KRT3: variants seen among roughly 807,000 people sequenced by gnomAD.
KRT3 encodes the protein keratin, type II cytoskeletal 3.
Under a neutral mutation model 45.8 loss-of-function variants are expected in KRT3, and 34 were observed. That is an observed-to-expected ratio of 0.74 (90% CI 0.57 to 0.99). The LOEUF is 0.99. Ranked by LOEUF, KRT3 falls within the 50% of genes least tolerant of loss-of-function variation. The pLI, the probability that KRT3 is intolerant of heterozygous loss-of-function variation, is 0.00. For synonymous variants in KRT3, 367 were observed against 329.0 expected, an observed-to-expected ratio of 1.12 and a Z score of -1.25; for missense variants, 828 against 820.6, an observed-to-expected ratio of 1.01 and a Z score of -0.11.
chr12:52,793,134 G>A, intron 3 of KRT3, 29 bp downstream of exon 3: 3 of 1,589,580 alleles, frequency 1.9e-6, no homozygotes, highest in Non-Finnish European at 2.6e-6. Context: ...GCAGCTGCAA[G>A]CCTCAGAAAC....
rs372506087 is a variant in KRT3, at chr12:52,795,447, C to T, written c.596G>A (p.Arg199Gln). The change falls in exon 1 of 9, where the codon CGG (arginine) becomes CAG (glutamine). Residue 199 changes from arginine to glutamine, a missense_variant. Coordinates refer to ENST00000417996, the MANE Select transcript of KRT3 (RefSeq NM_057088.3). The part of the protein sequence containing the change: ...PQIGQVKAQE[R>Q]EQIKTLNNKF... ...GTTGTTGAGGGTCTTGATCTGTTCC[C>T]GCTCCTGGGCCTTTACTTGCCCAAT... 2.8e-5 allele frequency: 45 copies of T among 1,614,034 alleles called. No homozygotes were observed. In the Middle Eastern group the frequency reaches 6.6e-4, roughly 24 times the overall value.
rs1243912523 is a variant in KRT3, at chr12:52,795,785, G to T, written c.258C>A (p.Ser86Arg). The change falls in exon 1 of 9, where the codon AGC (serine) becomes AGA (arginine). Residue 86 changes from serine (S) to arginine (R), a missense_variant. Ser to Arg is a moderately radical substitution (Grantham distance 110). Coordinates refer to ENST00000417996, the MANE Select transcript of KRT3 (RefSeq NM_057088.3). ...RAGGFGGGRS[S>R]CAFAGGYGGG... ...CTCCATAGCCACCTGCAAAGGCACA[G>T]CTGCTCCGCCCTCCCCCAAAGCCTC... is the stretch of plus-strand genomic sequence containing the variant. The T allele has an allele frequency of 6.2e-7, 1 of 1,613,916 alleles. No individual in the cohort carries two copies. The highest frequency in any genetic ancestry group is 1.3e-5 in the African/African-American group (1 of 74,946).
chr12:52,795,991 C>T lies in KRT3; in HGVS notation c.52G>A (p.Gly18Ser), dbSNP rs750889026. ...CTGCCGGAGACCACAGCAGAGCGGCCGGAGAAACCCTGGCTCCCGCCACCA... is the reference window on the plus strand; with the variant it reads ...CTGCCGGAGACCACAGCAGAGCGGCTGGAGAAACCCTGGCTCCCGCCACCA... The part of the protein sequence containing the change: ...TSGGGSQGFS[G>S]RSAVVSGSSR... The change falls in exon 1 of 9, where the codon GGC becomes AGC. Residue 18 changes from glycine to serine, a missense_variant. Coordinates refer to ENST00000417996, the MANE Select transcript of KRT3 (RefSeq NM_057088.3). The T allele has an allele frequency of 2.0e-5, 33 of 1,613,766 alleles. No individual in the cohort carries two copies. Among genetic ancestry groups the T allele is most frequent in the South Asian group, 7.7e-5 (7 of 91,086 alleles).
At chr12:52,790,810 C>T in intron 8 of KRT3, 28 bp downstream of exon 8, 1 of 1,560,180 alleles carries the variant, frequency 6.4e-7, no homozygotes, top group East Asian at 2.3e-5. Context: ...AATTAACTCT[C>T]ATTTTCTTAG....
chr12:52,794,354 C>G, intron 1 of KRT3, 23 bp from the exon 2 acceptor site: 1 of 1,575,424 alleles, frequency 6.3e-7, no homozygotes, highest in Non-Finnish European at 8.7e-7. Context: ...CAGGAAGCAA[C>G]ATCAGGCAAC....
At chr12:52,795,181 T>A (rs1298643999) in intron 1 of KRT3, among the ~76,000 whole-genome samples, 1 of 152,162 alleles carries the variant, frequency 6.6e-6, no homozygotes, top group Non-Finnish European at 1.5e-5. Context: ...TGTGTGGTGC[T>A]CAGGTCCAAA....
Position 52,790,852 on chromosome 12 carries a change from C to G in KRT3, c.1556G>C (p.Ser519Thr). ...EEYRMSGECP[S>T]AVSISVVSSS... ...TCGGTACTTACAGATGCTGACAGCA[C>G]TCGGACACTCTCCAGACATCCTGTT... Residue 519 changes from serine (S) to threonine (T), a missense_variant, in exon 8 of 9, where the codon AGT (serine) becomes ACT (threonine). Coordinates refer to ENST00000417996, the MANE Select transcript of KRT3 (RefSeq NM_057088.3). 6.3e-7 allele frequency: 1 copy of G among 1,597,622 alleles called. No individual in the cohort carries two copies. Among genetic ancestry groups the G allele is most frequent in the Non-Finnish European group, 8.5e-7 (1 of 1,171,766 alleles).
At position 52,791,735 on chromosome 12, in the gene KRT3, T is replaced by C; in HGVS notation, c.1270A>G (p.Met424Val). 1 of 1,614,124 alleles carries C rather than the reference T, an allele frequency of 6.2e-7. No individual in the cohort carries two copies. Among genetic ancestry groups the C allele is most frequent in the East Asian group, 2.2e-5 (1 of 44,880 alleles). The change falls in exon 6 of 9, where the codon ATG becomes GTG. Residue 424 changes from methionine (M) to valine (V), a missense_variant. Met to Val is a conservative substitution (Grantham distance 21, BLOSUM62 1). Transcript: ENST00000417996. Reference sequence around the variant, plus strand: ...ATCTCTGCCCGCAGCCTCTGGATCATTCTGTTGAGCTCTATGATCTCGCTC... The same window carrying C: ...ATCTCTGCCCGCAGCCTCTGGATCACTCTGTTGAGCTCTATGATCTCGCTC... ...TKSEIIELNR[M>V]IQRLRAEIEG...
At chr12:52,791,942 G>T (rs764506927) in intron 5 of KRT3, 126 bp from the exon 6 acceptor site, 2 of 1,093,734 alleles carry the variant, frequency 1.8e-6, no homozygotes, top group Non-Finnish European at 2.6e-6. Context: ...ACTGCATTGT[G>T]TTTCAGCAGG....
chr12:52,789,921 G>T lies in KRT3; in HGVS notation c.*121C>A. ...TGGAAGGAGGAGCAAGAGGCCACAA[G>T]CCTTCCAGCGCAGAGCCGCGTTCTT... On this transcript the variant is annotated 3_prime_UTR_variant, in exon 9 of 9. Coordinates refer to ENST00000417996, the MANE Select transcript of KRT3 (RefSeq NM_057088.3). 1 of 1,030,414 alleles carries T rather than the reference G, an allele frequency of 9.7e-7. No individual in the cohort carries two copies. The highest frequency in any genetic ancestry group is 1.4e-6 in the Non-Finnish European group (1 of 691,496). 63.8% of individuals were successfully genotyped at this position (1,030,414 alleles called of 1,614,324 possible).
intron 2 of KRT3, among the ~76,000 whole-genome samples, chr12:52,793,910 A>G (rs1939581634): frequency 6.6e-6 from 1 of 152,178 alleles, no homozygotes; most frequent in Non-Finnish European, 1.5e-5. Context: ...TCCTCTTGCC[A>G]CAATTTTATT....
chr12:52,789,990 G>T lies in KRT3; in HGVS notation c.*52C>A. The T allele has an allele frequency of 4.0e-6, 6 of 1,505,172 alleles. No homozygotes were observed. Among genetic ancestry groups the T allele is most frequent in the Non-Finnish European group, 5.4e-6 (6 of 1,117,588 alleles). The allele number at this position is 1,505,172 out of a possible 1,614,324, so 93.2% of individuals were successfully genotyped here. On this transcript the variant is annotated 3_prime_UTR_variant, in exon 9 of 9. Transcript: ENST00000417996. The stretch of plus-strand genomic sequence containing the variant: ...CTGGGGGTGTTGCCAATATGGGGGC[G>T]TGGGGAGCGGAGGGGAGGCGCTGGA...
At position 52,792,381 on chromosome 12, in the gene KRT3, T is replaced by G. The variant is rs369586403; in HGVS notation, c.1046A>C (p.His349Pro). 6.2e-7 allele frequency: 1 copy of G among 1,614,138 alleles called. No individual in the cohort carries two copies. The highest frequency in any genetic ancestry group is 8.5e-7 in the Non-Finnish European group (1 of 1,180,036). Residue 349 changes from histidine to proline, a missense_variant, in exon 5 of 9, where the codon CAC becomes CCC. By Grantham distance (77) the His-to-Pro change is moderately conservative. Coordinates refer to ENST00000417996, the MANE Select transcript of KRT3 (RefSeq NM_057088.3). ...CAGCACCACAGATGTGTCACTGATG[T>G]GGCTCTGCATCTGAGATAGCTCCTG... ...YDAELSQMQS[H>P]ISDTSVVLSM...
At chr12:52,790,413 T>G (rs551221471) in intron 8 of KRT3, 55 bp from the exon 9 acceptor site, 19 of 1,501,650 alleles carry the variant, frequency 1.3e-5, no homozygotes, top group Middle Eastern at 1.9e-4. Flanking sequence ...CCAGCTGCTA[T>G]GTTATTGTCA....
In KRT3 at chr12:52,791,294, G is replaced by A. The variant is rs372152150; in HGVS notation, c.1447C>T (p.Arg483Cys). 2.0e-5 allele frequency: 33 copies of A among 1,614,114 alleles called. No individual in the cohort carries two copies. The Middle Eastern group carries it at 4.9e-4, about 24-fold the overall frequency. Residue 483 changes from arginine to cysteine, a missense_variant, in exon 7 of 9, where the codon CGT becomes TGT. By Grantham distance (180) the Arg-to-Cys change is radical (BLOSUM62 -3). Coordinates refer to ENST00000417996, the MANE Select transcript of KRT3 (RefSeq NM_057088.3). ...QAKDDLARLL[R>C]DYQELMNVKL... ...ACATTCATCAGCTCCTGGTAGTCAC[G>A]TAGCAGCCGCGCCAGGTCATCCTTC...
Position 52,792,322 on chromosome 12 carries a change from T to A in KRT3, c.1105A>T (p.Ser369Cys). Reference sequence around the variant, plus strand: ...TGTGCACGAACTTCAGCAATGATGCTGTCCAGGTCCAGGGAGCGATTATTG... The same window carrying A: ...TGTGCACGAACTTCAGCAATGATGCAGTCCAGGTCCAGGGAGCGATTATTG... ...MDNNRSLDLD[S>C]IIAEVRAQYE... Residue 369 changes from serine (S) to cysteine (C), a missense_variant, in exon 5 of 9, where the codon AGC (serine) becomes TGC (cysteine). Transcript: ENST00000417996. The A allele has an allele frequency of 6.2e-7, 1 of 1,614,102 alleles. No homozygotes were observed. The highest frequency in any genetic ancestry group is 8.5e-7 in the Non-Finnish European group (1 of 1,179,942).
chr12:52,792,514 T>G (rs1454849279), intron 4 of KRT3, 111 bp from the exon 5 acceptor site: 1 of 1,157,348 alleles, frequency 8.6e-7, no homozygotes, highest in Non-Finnish European at 1.3e-6. Context: ...GCTCCACATG[T>G]GTATCAGCCA....
intron 7 of KRT3, 89 bp downstream of exon 7, chr12:52,791,117 G>A (rs1164107069): frequency 6.3e-7 from 1 of 1,589,564 alleles, no homozygotes; most frequent in Non-Finnish European, 8.6e-7. Flanking sequence ...TATACAGCAG[G>A]GCTCCATCCC....
At chr12:52,790,433 C>A in intron 8 of KRT3, 75 bp from the exon 9 acceptor site, 1 of 1,400,344 alleles carries the variant, frequency 7.1e-7, no homozygotes, top group East Asian at 2.4e-5. Flanking sequence ...AATGATCCAC[C>A]GGGCCCACGA....
Sources: allele counts gnomAD v4.1 joint callset (sites outside exome capture counted in the v4.1 genomes callset), GRCh38; gene constraint gnomAD v4.1.1; transcripts MANE v1.5; gene names NCBI Gene and HGNC (gene_info 2026-07-23, HGNC 2026-07-21).